The following BEAN1 variants were observed in gnomAD, a reference collection of about 807,000 sequenced individuals.
BEAN1 encodes the protein brain expressed associated with NEDD4 1.
In BEAN1, 17 loss-of-function variants were observed where a neutral mutation model predicts 17.7. The observed-to-expected ratio is 0.96, with a 90% confidence interval of 0.66 to 1.44. BEAN1 has a LOEUF of 1.44. BEAN1 is among the 40% of genes most tolerant of loss of function. The pLI, the probability that BEAN1 is intolerant of heterozygous loss-of-function variation, is 0.00. For synonymous variants in BEAN1, 142 were observed against 151.8 expected (o/e 0.94, Z 0.47); for missense variants, 359 against 374.1 (o/e 0.96, Z 0.33).
At position 66,438,025 on chromosome 16, in the gene BEAN1, G is replaced by A. The variant is rs1962098981; in HGVS notation, c.25+324G>A. ...AAAAGACTACATGGCCAAGTAAGTG[G>A]GAAAAATGCTGGGGGAGTCATGTTA... On this transcript the variant is annotated intron_variant, in intron 2 of 4. Transcript: ENST00000536005. 7.2e-6 allele frequency: 3 copies of A among 418,590 alleles called. No homozygotes were observed. The East Asian group carries it at 1.3e-4, about 19-fold the overall frequency. 25.9% of individuals were successfully genotyped at this position (418,590 alleles called of 1,614,324 possible).
chr16:66,445,256 C>T (rs762806302), intron 2 of BEAN1, among the ~76,000 whole-genome samples: 30 of 151,486 alleles, frequency 2.0e-4, no homozygotes, highest in Non-Finnish European at 3.5e-4. Context: ...GCAGGCAGAT[C>T]ACAAGGTCAG....
intron 2 of BEAN1, chr16:66,438,046 T>C (rs931982073): frequency 4.2e-5 from 16 of 383,596 alleles, no homozygotes; most frequent in African/African-American, 3.3e-4. Context: ...GGGGGAGTCA[T>C]GTTAAGAAAG....
intron 1 of BEAN1, among the ~76,000 whole-genome samples, chr16:66,432,283 C>T (rs1351844987): frequency 6.6e-6 from 1 of 152,156 alleles, no homozygotes; most frequent in Non-Finnish European, 1.5e-5. Context: ...AGGGTATCCA[C>T]GCTGGCCAAG....
intron 1 of BEAN1, among the ~76,000 whole-genome samples, chr16:66,435,269 C>T (rs1344689493): frequency 6.6e-6 from 1 of 152,172 alleles, no homozygotes; most frequent in African/African-American, 2.4e-5. Flanking sequence ...AGCTCTTCCT[C>T]CATCTCTTCT....
chr16:66,443,680 AT>A (rs920080245), intron 2 of BEAN1, among the ~76,000 whole-genome samples: 5 of 151,426 alleles, frequency 3.3e-5, no homozygotes, highest in African/African-American at 9.7e-5. Flanking sequence ...GCTCATCTTA[AT>A]TTTTTTTTAA....
At chr16:66,469,893 G>A (rs753044229) in intron 3 of BEAN1, 28 bp downstream of exon 3, 183 of 1,527,826 alleles carry the variant, frequency 1.2e-4, no homozygotes, top group Non-Finnish European at 1.5e-4. Flanking sequence ...CTGGGGCCCT[G>A]GGACCTCATC....
In BEAN1 at chr16:66,480,809, GC is replaced by G; in HGVS notation, c.665del (p.Ala222ValfsTer57). The G allele has an allele frequency of 6.5e-7, 1 of 1,543,862 alleles. No individual in the cohort carries two copies. Among genetic ancestry groups the G allele is most frequent in the Non-Finnish European group, 8.8e-7 (1 of 1,142,440 alleles). ...TLPPYEAVCG[A>X]GPPSGLLPLP... ...TCCCCCCTACGAGGCTGTGTGCGGG[GC>G]TGGCCCCCCATCAGGCCTGCTGCCA... is the stretch of plus-strand genomic sequence containing the variant. On this transcript the variant is annotated frameshift_variant, in exon 5 of 5. Coordinates refer to ENST00000536005, the MANE Select transcript of BEAN1 (RefSeq NM_001178020.3). LOFTEE classifies it low-confidence loss of function (END_TRUNC).
At chr16:66,452,652 G>C (rs1276525866) in intron 2 of BEAN1, among the ~76,000 whole-genome samples, 1 of 152,214 alleles carries the variant, frequency 6.6e-6, no homozygotes, top group African/African-American at 2.4e-5. Context: ...TCAGGTGAGT[G>C]TTTATTGGGG....
Position 66,465,381 on chromosome 16 carries a change from G to A in BEAN1, c.26-4221G>A, listed in dbSNP as rs1963226337. On this transcript the variant is annotated intron_variant, in intron 2 of 4. Coordinates refer to ENST00000536005, the MANE Select transcript of BEAN1 (RefSeq NM_001178020.3). ...TCTTGTAATGTCTTTGTCTAGTTTT[G>A]GTATCAGGGTAATGCTGGCCTTATA... Among the ~76,000 whole-genome samples the A allele has an allele frequency of 1.3e-5, 2 of 151,998 alleles. 1 individual carries two copies. The highest frequency in any genetic ancestry group is 4.1e-4 in the South Asian group (2 of 4,820).
chr16:66,456,458 CAG>C (rs1962871324), intron 2 of BEAN1, among the ~76,000 whole-genome samples: 1 of 152,152 alleles, frequency 6.6e-6, no homozygotes, highest in African/African-American at 2.4e-5. Flanking sequence ...CAGGCATGCA[CAG>C]TAACTCCACT....
chr16:66,485,405 C>A, downstream of BEAN1: 1 of 336,342 alleles, frequency 3.0e-6, no homozygotes. Flanking sequence ...TATCCATGCC[C>A]ACCTGCATGT....
At chr16:66,453,421 C>T (rs1361208805) in intron 2 of BEAN1, among the ~76,000 whole-genome samples, 1 of 151,980 alleles carries the variant, frequency 6.6e-6, no homozygotes, top group African/African-American at 2.4e-5. Flanking sequence ...TGCAGTGGTG[C>T]AATCATAGCT....
chr16:66,474,569 A>AGAGG (rs1392773404), intron 3 of BEAN1, among the ~76,000 whole-genome samples: 2 of 38,802 alleles, frequency 5.2e-5, no homozygotes, highest in African/African-American at 2.4e-4. Flanking sequence ...AGGGAGGGAG[A>AGAGG]GAGGGAGGGA....
chr16:66,493,257 G>T (rs1256308051), exon 5 of BEAN1: 3 of 702,822 alleles, frequency 4.3e-6, no homozygotes, highest in Non-Finnish European at 7.8e-6. Context: ...CCCTGCAGCT[G>T]CCTCGAGGGG....
chr16:66,470,497 A>G (rs1307338484), intron 3 of BEAN1, among the ~76,000 whole-genome samples: 1 of 151,820 alleles, frequency 6.6e-6, no homozygotes, highest in African/African-American at 2.4e-5. Flanking sequence ...TGAGTGGAGG[A>G]ATGGAAAGAT....
intron 2 of BEAN1, among the ~76,000 whole-genome samples, chr16:66,462,158 C>T (rs79997920): frequency 0.092 from 14,016 of 152,236 alleles, 812 homozygotes; most frequent in East Asian, 0.22. Flanking sequence ...CTAGATTTCT[C>T]CTAAGTTGAG....
At chr16:66,437,866 CT>C (rs1777725772) in intron 2 of BEAN1, 165 bp downstream of exon 2, 6 of 873,858 alleles carry the variant, frequency 6.9e-6, no homozygotes, top group Non-Finnish European at 1.1e-5. Flanking sequence ...CGGAAGACCC[CT>C]GACGTCTGCA....
intron 2 of BEAN1, among the ~76,000 whole-genome samples, chr16:66,467,434 G>C (rs1459142418): frequency 1.3e-5 from 2 of 152,134 alleles, no homozygotes; most frequent in Non-Finnish European, 2.9e-5. Context: ...GTACAAGCAG[G>C]GGAAATGCCA....
chr16:66,441,935 C>G (rs1179760207), intron 2 of BEAN1, among the ~76,000 whole-genome samples: 1 of 152,228 alleles, frequency 6.6e-6, no homozygotes, highest in Non-Finnish European at 1.5e-5. Context: ...CTCATCCCTG[C>G]CCCTCATGGA....
Sources: gnomAD v4.1 joint callset for allele counts (sites outside exome capture counted in the v4.1 genomes callset) on GRCh38, gnomAD v4.1.1 for gene constraint, MANE v1.5 for transcripts, NCBI Gene and HGNC (gene_info 2026-07-23, HGNC 2026-07-21) for gene names.